The following ATR variants were observed in gnomAD, a reference collection of about 807,000 sequenced individuals.
The protein encoded by ATR is ATR checkpoint kinase, also known as serine/threonine-protein kinase ATR.
A neutral mutation model predicts 305.3 loss-of-function variants in ATR; 142 were observed. That is an observed-to-expected ratio of 0.47 (90% confidence interval 0.41 to 0.53). The LOEUF (loss-of-function observed/expected upper bound fraction) is 0.53, where lower values mean the gene tolerates loss of function less well. Ranked by LOEUF, ATR falls within the 20% of genes least tolerant of loss-of-function variation. The probability of loss-of-function intolerance (pLI) is 0.00; values close to 1 mark genes in which losing one functional copy is unlikely to be tolerated. For missense variants in ATR, 2,135 were observed against 3,133.1 expected (o/e 0.68, Z 7.60); for synonymous variants, 1,050 against 1,068.1 (o/e 0.98, Z 0.33).
At chr3:142,563,393 G>C (rs1355065120) in intron 3 of ATR, among the ~76,000 whole-genome samples, 1 of 152,148 alleles carries the variant, frequency 6.6e-6, no homozygotes, top group East Asian at 1.9e-4. Flanking sequence ...TCATGTCTCT[G>C]TATCACATTT....
In ATR at chr3:142,508,118, T is replaced by TA. The variant is rs774086025; in HGVS notation, c.4853-10dup. The TA allele has an allele frequency of 6.2e-7, 1 of 1,601,704 alleles. No homozygotes were observed. Among genetic ancestry groups the TA allele is most frequent in the African/African-American group, 1.3e-5 (1 of 74,332 alleles). On this transcript the variant is annotated splice_polypyrimidine_tract_variant and intron_variant, in intron 27 of 46. Coordinates refer to ENST00000350721, the MANE Select transcript of ATR (RefSeq NM_001184.4). ...ATAATCCACAGTAGATACTAGATCA[T>TA]AAAAAAAGTTGAGTAATTAAAGACT...
intron 44 of ATR, 196 bp from the exon 45 acceptor site, chr3:142,457,951 C>A (rs959642287): frequency 7.8e-6 from 5 of 638,902 alleles, no homozygotes; most frequent in Non-Finnish European, 1.3e-5. Flanking sequence ...TGAAACCATA[C>A]TTGATCTTGG....
intron 10 of ATR, among the ~76,000 whole-genome samples, chr3:142,554,988 C>G (rs951899456): frequency 5.9e-5 from 9 of 151,290 alleles, no homozygotes; most frequent in Non-Finnish European, 1.2e-4. Flanking sequence ...GTAACCCCAG[C>G]ACTTTGGGGG....
intron 33 of ATR, 143 bp downstream of exon 33, chr3:142,496,870 C>G (rs2031677245): frequency 2.1e-6 from 2 of 971,414 alleles, no homozygotes; most frequent in Non-Finnish European, 3.0e-6. Context: ...AGGTTCCTTT[C>G]AACCAGATAG....
chr3:142,477,637 C>G (rs569697020), intron 36 of ATR, among the ~76,000 whole-genome samples: 2 of 152,334 alleles, frequency 1.3e-5, no homozygotes, highest in African/African-American at 4.8e-5. Flanking sequence ...CCCTCTTTCT[C>G]TATTGATTGA....
chr3:142,562,957 A>G lies in ATR; in HGVS notation c.445T>C (p.Leu149=). The G allele has an allele frequency of 6.2e-7, 1 of 1,612,570 alleles. No homozygotes were observed. Among genetic ancestry groups the G allele is most frequent in the South Asian group, 1.1e-5 (1 of 90,492 alleles). ...PAIFGVLTKE[L]LQLFEDLVYL... is the part of the protein sequence containing the mutation. ...ACCAAGTCTTCAAAAAGTTGTAATA[A>G]TTCTTTTGTGAGTACCCCAAAAATA... is the stretch of plus-strand genomic sequence containing the variant. The change falls in exon 4 of 47, where the codon TTA becomes CTA. Residue 149 remains leucine, a synonymous_variant. Coordinates refer to ENST00000350721, the MANE Select transcript of ATR (RefSeq NM_001184.4).
chr3:142,522,916 G>A, intron 22 of ATR, 75 bp from the exon 23 acceptor site: 1 of 1,133,984 alleles, frequency 8.8e-7, no homozygotes, highest in South Asian at 1.3e-5. Context: ...CTTTTTCCAT[G>A]GTGAATTTAA....
rs779369662 is a variant in ATR at position 142,465,235 on chromosome 3, T to C, written c.6903A>G (p.Glu2301=). The change falls in exon 41 of 47, where the codon GAA becomes GAG. Residue 2301 remains glutamate (E), a synonymous_variant. Coordinates refer to ENST00000350721, the MANE Select transcript of ATR (RefSeq NM_001184.4). ...AYIAGFDDMV[E]ILASLQKPKK... ...TTGGTTTCTGAAGAGAAGCAAGAAT[T>C]TCCACCTAAAAGATGATGAGTTATA... 7 of 1,609,860 alleles carry C rather than the reference T, an allele frequency of 4.3e-6. No homozygotes were observed. Among genetic ancestry groups the C allele is most frequent in the Non-Finnish European group, 5.9e-6 (7 of 1,177,628 alleles).
At chr3:142,495,020 C>T (rs1452318591) in intron 34 of ATR, among the ~76,000 whole-genome samples, 3 of 152,074 alleles carry the variant, frequency 2.0e-5, no homozygotes, top group Non-Finnish European at 4.4e-5. Context: ...ATTTAGTCTC[C>T]AGCTGGATGT....
Position 142,536,256 on chromosome 3 carries a change from A to T in ATR, c.3726-55T>A. 5 of 1,281,820 alleles carry T rather than the reference A, an allele frequency of 3.9e-6. No individual in the cohort carries two copies. The South Asian group carries it at 4.9e-5, about 13-fold the overall frequency. 79.4% of individuals were successfully genotyped at this position (1,281,820 alleles called of 1,614,324 possible). A position where few individuals can be genotyped will look rare whatever the true frequency, so the allele number is the denominator to read the frequency against. On this transcript the variant is annotated intron_variant, in intron 19 of 46. Coordinates refer to ENST00000350721, the MANE Select transcript of ATR (RefSeq NM_001184.4). ...TTTGCCAAGAATATGAATACTAAAAAAATGTAAAGTAAAAGTTGAAACTAA... is the reference window on the plus strand; with the variant it reads ...TTTGCCAAGAATATGAATACTAAAATAATGTAAAGTAAAAGTTGAAACTAA...
At chr3:142,486,897 C>T (rs1266287003) in intron 35 of ATR, among the ~76,000 whole-genome samples, 2 of 140,364 alleles carry the variant, frequency 1.4e-5, no homozygotes, top group African/African-American at 5.4e-5. Flanking sequence ...GGGCGGATCA[C>T]GAGGTCAGGA....
chr3:142,577,073 CTA>C lies in ATR; in HGVS notation c.59+1571_59+1572del, dbSNP rs200317122. 8.6e-3 allele frequency among the ~76,000 whole-genome samples: 1,302 copies of C among 152,224 alleles called. 53 individuals carry two copies. Among genetic ancestry groups the C allele is most frequent in the Admixed American group, 0.077 (1,175 of 15,288 alleles). On this transcript the variant is annotated intron_variant, in intron 1 of 46. Transcript: ENST00000350721. ...AAACAGTGGTAACACTTGTTTCATT[CTA>C]TGTCATGGATATACTATGAAAATTG...
intron 46 of ATR, chr3:142,451,211 C>T (rs2070782851): frequency 8.4e-7 from 1 of 1,189,896 alleles, no homozygotes; most frequent in Non-Finnish European, 1.1e-6. Flanking sequence ...GCAGTACCAC[C>T]TGATGCTGCA....
intron 22 of ATR, 118 bp downstream of exon 22, chr3:142,523,875 T>C: frequency 3.8e-6 from 4 of 1,064,294 alleles, no homozygotes; most frequent in Non-Finnish European, 5.3e-6. Context: ...GTTAACTGAT[T>C]GTCTGGTTCT....
intron 13 of ATR, among the ~76,000 whole-genome samples, chr3:142,550,912 T>C (rs957497695): frequency 1.3e-5 from 2 of 152,100 alleles, no homozygotes; most frequent in Non-Finnish European, 2.9e-5. Flanking sequence ...CTCAGCCTCC[T>C]GAGTAGCTGG....
At position 142,562,288 on chromosome 3, in the gene ATR, C is replaced by A. The variant is rs2034910951; in HGVS notation, c.1114G>T (p.Val372Leu). 1 of 1,613,976 alleles carries A rather than the reference C, an allele frequency of 6.2e-7. No homozygotes were observed. Among genetic ancestry groups the A allele is most frequent in the Non-Finnish European group, 8.5e-7 (1 of 1,179,982 alleles). The change falls in exon 4 of 47, where the codon GTG becomes TTG. Residue 372 changes from valine (V) to leucine (L), a missense_variant. Val to Leu is a conservative substitution (Grantham distance 32). Transcript: ENST00000350721. ...ESALQVRKVY[V>L]RNICKALLDV... ...AAAAGAGCTTTACAAATATTTCTCA[C>A]ATAGACCTTCCTGACTTGTAAAGCA...
rs1175843449 is a variant in ATR, at chr3:142,449,378, C to T, written c.*51G>A. 6.6e-7 allele frequency: 1 copy of T among 1,525,256 alleles called. No homozygotes were observed. Among genetic ancestry groups the T allele is most frequent in the African/African-American group, 1.4e-5 (1 of 72,828 alleles). 94.5% of individuals were successfully genotyped at this position (1,525,256 alleles called of 1,614,324 possible). ...GAACAGATACAACCACAGATTCATA[C>T]CAAATGCATTACTTTTAGATTATTA... is the stretch of plus-strand genomic sequence containing the variant. On this transcript the variant is annotated 3_prime_UTR_variant, in exon 47 of 47. Transcript: ENST00000350721.
intron 1 of ATR, among the ~76,000 whole-genome samples, chr3:142,576,931 A>G (rs571938609): frequency 6.6e-6 from 1 of 152,292 alleles, no homozygotes; most frequent in Admixed American, 6.5e-5. Flanking sequence ...TAATTGCCAT[A>G]GTCAATTAAG....
Position 142,519,706 on chromosome 3 carries a change from G to A in ATR, c.4345C>T (p.His1449Tyr), listed in dbSNP as rs376890858. ...TGAGGTTCTAGTATTTCCCGAACAT[G>A]CTCAGGAAATCTCCTCCACAATTGG... Reference protein sequence around the residue: ...GHQLWRRFPEHVREILEPHLN... With the variant: ...GHQLWRRFPEYVREILEPHLN... The change falls in exon 24 of 47, where the codon CAT becomes TAT. Residue 1449 changes from histidine to tyrosine, a missense_variant. Around this residue, in one of 9 missense-constraint regions of ATR, gnomAD observed 202 missense variants for 252.9 expected, o/e 0.80. Transcript: ENST00000350721. The A allele has an allele frequency of 1.4e-5, 22 of 1,613,920 alleles. No individual in the cohort carries two copies. The highest frequency in any genetic ancestry group is 1.4e-5 in the Non-Finnish European group (17 of 1,179,844).
Sources: gnomAD v4.1 joint callset for allele counts (sites outside exome capture counted in the v4.1 genomes callset) on GRCh38, gnomAD v4.1.1 for gene constraint, gnomAD v4.1.1 regional missense constraint, MANE v1.5 for transcripts, NCBI Gene and HGNC (gene_info 2026-07-23, HGNC 2026-07-21) for gene names.